The following ACSBG2 variants were observed in gnomAD, a reference collection of about 807,000 sequenced individuals.
ACSBG2 encodes the protein acyl-CoA synthetase bubblegum family member 2, also known as long-chain-fatty-acid--CoA ligase ACSBG2.
A neutral mutation model predicts 74.7 loss-of-function variants in ACSBG2; 62 were observed. The ratio of observed to expected loss-of-function variants is 0.83; its 90% CI spans 0.68 to 1.03. ACSBG2 has a LOEUF of 1.03. Among genes scored for constraint, ACSBG2 ranks in the 50% least tolerant of loss-of-function variants. ACSBG2 has a pLI of 0.00. For missense variants in ACSBG2, 730 were observed against 817.6 expected, an observed-to-expected ratio of 0.89 and a Z score of 1.31; for synonymous variants, 309 against 294.1, an observed-to-expected ratio of 1.05 and a Z score of -0.52.
chr19:6,187,585 G>A lies in ACSBG2; in HGVS notation c.1681-14G>A. Reference sequence around the variant, plus strand: ...TCAAGGAGCATGGGTGGTGACAGAGGTGTCTGGGGGCAGTGTGAGATGAAT... The same window carrying A: ...TCAAGGAGCATGGGTGGTGACAGAGATGTCTGGGGGCAGTGTGAGATGAAT... On this transcript the variant is annotated splice_polypyrimidine_tract_variant and intron_variant, in intron 12 of 14. Transcript: ENST00000588485. 6.2e-7 allele frequency: 1 copy of A among 1,613,960 alleles called. No homozygotes were observed. The highest frequency in any genetic ancestry group is 8.5e-7 in the Non-Finnish European group (1 of 1,179,924).
chr19:6,150,085 C>T (rs1238685170), intron 3 of ACSBG2, among the ~76,000 whole-genome samples: 5 of 150,436 alleles, frequency 3.3e-5, no homozygotes, highest in African/African-American at 4.9e-5. Flanking sequence ...GGTGACAGAG[C>T]GAGACAAAAA....
chr19:6,188,422 C>T (rs2090465832), intron 13 of ACSBG2, among the ~76,000 whole-genome samples: 1 of 152,174 alleles, frequency 6.6e-6, no homozygotes, highest in Non-Finnish European at 1.5e-5. Context: ...GGGCAGACTG[C>T]TTGAGCCCAG....
intron 6 of ACSBG2, 190 bp downstream of exon 6, chr19:6,161,485 A>G: frequency 1.9e-6 from 1 of 537,558 alleles, no homozygotes; most frequent in Non-Finnish European, 3.3e-6. Context: ...GGGCCTTGTG[A>G]GGAAAGTGGG....
chr19:6,187,753 A>G lies in ACSBG2; in HGVS notation c.1835A>G (p.Asn612Ser), dbSNP rs748294163. The change falls in exon 13 of 15, where the codon AAT becomes AGT. Residue 612 changes from asparagine to serine, a missense_variant. Coordinates refer to ENST00000588485, the MANE Select transcript of ACSBG2 (RefSeq NM_030924.5). Reference protein sequence around the residue: ...LVYKAIQQGINAVNQEAMNNA... With the variant: ...LVYKAIQQGISAVNQEAMNNA... Reference sequence around the variant, plus strand: ...TACAAGGCCATCCAGCAAGGCATCAATGCTGTGAACCAGGAAGCCATGAAC... The same window carrying G: ...TACAAGGCCATCCAGCAAGGCATCAGTGCTGTGAACCAGGAAGCCATGAAC... 16 of 1,614,070 alleles carry G rather than the reference A, an allele frequency of 9.9e-6. No individual in the cohort carries two copies. The highest frequency in any genetic ancestry group is 6.7e-5 in the African/African-American group (5 of 74,912).
At chr19:6,155,584 G>A (rs2089389998) in intron 4 of ACSBG2, among the ~76,000 whole-genome samples, 1 of 152,126 alleles carries the variant, frequency 6.6e-6, no homozygotes, top group Admixed American at 6.5e-5. Flanking sequence ...GAGTCCAGGA[G>A]TTTGAGACCA....
chr19:6,154,268 C>T (rs1439719833), intron 4 of ACSBG2, among the ~76,000 whole-genome samples: 2 of 151,000 alleles, frequency 1.3e-5, no homozygotes, highest in African/African-American at 4.9e-5. Flanking sequence ...CGTAGTGGCA[C>T]ATGCCTGTAA....
At chr19:6,145,020 C>T (rs9636183) in intron 2 of ACSBG2, among the ~76,000 whole-genome samples, 88,791 of 151,810 alleles carry the variant, frequency 0.58, 27,041 homozygotes, top group Admixed American at 0.68. Flanking sequence ...GAACATACAT[C>T]TCCAGTCCTT....
rs953768067 is a variant in ACSBG2, at chr19:6,173,158, A to G, written c.739-4071A>G. ...GCATTCTCCTCCTCCTTTAGGGGTT[A>G]CCCATGCCAAGGGTTAGATCTTCAG... On this transcript the variant is annotated intron_variant, in intron 7 of 14. Coordinates refer to ENST00000588485, the MANE Select transcript of ACSBG2 (RefSeq NM_030924.5). 2.0e-5 allele frequency among the ~76,000 whole-genome samples: 3 copies of G among 152,150 alleles called. No homozygotes were observed. In the South Asian group the frequency reaches 6.2e-4, roughly 32 times the overall value.
intron 6 of ACSBG2, 47 bp downstream of exon 6, chr19:6,161,342 G>A (rs1317159830): frequency 6.3e-7 from 1 of 1,577,644 alleles, no homozygotes; most frequent in Admixed American, 1.7e-5. Flanking sequence ...GCGGGGCCTT[G>A]CAAGAAAAGT....
chr19:6,185,380 C>G (rs2090375688), intron 10 of ACSBG2, 56 bp from the exon 11 acceptor site: 3 of 1,577,934 alleles, frequency 1.9e-6, no homozygotes, highest in East Asian at 2.2e-5. Context: ...CCAGGCAGAG[C>G]TGGGTGGCTG....
At chr19:6,142,942 G>T (rs1054108726) in intron 2 of ACSBG2, among the ~76,000 whole-genome samples, 8 of 151,992 alleles carry the variant, frequency 5.3e-5, no homozygotes, top group African/African-American at 1.9e-4. Flanking sequence ...TAGAAAACTG[G>T]CCGGGCACAG....
At chr19:6,137,430 C>G (rs1019902523) in intron 1 of ACSBG2, 3 of 152,760 alleles carry the variant, frequency 2.0e-5, no homozygotes, top group Non-Finnish European at 2.9e-5. Flanking sequence ...GTTGGAAGAA[C>G]AGTGAGGAGG....
rs58730661 is a variant in ACSBG2 at position 6,190,812 on chromosome 19, T to TACACACACAC, written c.*35+151_*35+160dup. The TACACACACAC allele has an allele frequency of 8.4e-3, 2,821 of 336,558 alleles. 19 individuals carry two copies. The highest frequency in any genetic ancestry group is 0.013 in the Middle Eastern group (13 of 984). The allele number at this position is 336,558 out of a possible 1,614,324, so 20.8% of individuals were successfully genotyped here. ...GAAAACACACACATACACACATACA[T>TACACACACAC]ACACACACACACACACACACACACA... On this transcript the variant is annotated intron_variant, in intron 14 of 14. Transcript: ENST00000588485.
intron 2 of ACSBG2, among the ~76,000 whole-genome samples, chr19:6,145,782 G>A (rs1199187114): frequency 6.6e-6 from 1 of 152,112 alleles, no homozygotes; most frequent in Non-Finnish European, 1.5e-5. Context: ...TGGCTGATCT[G>A]GGTGATGTCG....
At chr19:6,147,929 T>G (rs1391238055) in intron 3 of ACSBG2, among the ~76,000 whole-genome samples, 1 of 145,160 alleles carries the variant, frequency 6.9e-6, no homozygotes, top group East Asian at 2.0e-4. Flanking sequence ...TATATGCAAA[T>G]TTTTTACACA....
rs34583176 is a variant in ACSBG2, at chr19:6,190,804, C to CAG, written c.*35+113_*35+114insGA. On this transcript the variant is annotated intron_variant, in intron 14 of 14. Coordinates refer to ENST00000588485, the MANE Select transcript of ACSBG2 (RefSeq NM_030924.5). ...GAACTGCAGAAAACACACACATACACACATACATACACACACACACACACA... is the reference window on the plus strand; with the variant it reads ...GAACTGCAGAAAACACACACATACACAGACATACATACACACACACACACACA... 65 of 471,148 alleles carry CAG rather than the reference C, an allele frequency of 1.4e-4. No individual in the cohort carries two copies. The Admixed American group carries it at 1.4e-3, about 10-fold the overall frequency. The allele number at this position is 471,148 out of a possible 1,614,324, so 29.2% of individuals were successfully genotyped here. A position where few individuals can be genotyped will look rare whatever the true frequency, so the allele number is the denominator to read the frequency against.
intron 12 of ACSBG2, 78 bp downstream of exon 12, chr19:6,187,500 G>A: frequency 1.2e-6 from 2 of 1,602,820 alleles, no homozygotes; most frequent in Admixed American, 3.4e-5. Context: ...AGGGTCAAGA[G>A]GATGCATCTG....
intron 6 of ACSBG2, among the ~76,000 whole-genome samples, chr19:6,163,600 G>A (rs866201709): frequency 7.0e-4 from 106 of 151,742 alleles, no homozygotes; most frequent in African/African-American, 2.6e-3. Flanking sequence ...AATTAGCCGG[G>A]CGTGGTGGCA....
intron 7 of ACSBG2, among the ~76,000 whole-genome samples, chr19:6,172,380 C>CTT (rs2089986962): frequency 6.6e-6 from 1 of 152,186 alleles, no homozygotes; most frequent in Non-Finnish European, 1.5e-5. Context: ...TCTAGTTTCC[C>CTT]TTGAGGGTAT....
Sources: gnomAD v4.1 joint callset for allele counts (sites outside exome capture counted in the v4.1 genomes callset) on GRCh38, gnomAD v4.1.1 for gene constraint, MANE v1.5 for transcripts, NCBI Gene and HGNC (gene_info 2026-07-23, HGNC 2026-07-21) for gene names.